MR1: variants seen among roughly 807,000 people sequenced by gnomAD.
MR1 encodes major histocompatibility complex, class I-related, also known as major histocompatibility complex class I-related protein 1.
MR1 carries 44 observed loss-of-function variants against 37.8 expected under a neutral mutation model. That is an observed-to-expected ratio of 1.16 (90% confidence interval 0.91 to 1.50). The LOEUF (loss-of-function observed/expected upper bound fraction) is 1.50, where lower values mean the gene tolerates loss of function less well. Ranked by LOEUF, MR1 falls within the 40% of genes most tolerant of loss-of-function variation. The pLI is 0.00. For synonymous variants in MR1, 153 were observed against 155.8 expected (o/e 0.98, Z 0.13); for missense variants, 386 against 419.1 (o/e 0.92, Z 0.69).
At chr1:181,043,994 C>T (rs1004800416) in intron 1 of MR1, among the ~76,000 whole-genome samples, 4 of 119,308 alleles carry the variant, frequency 3.4e-5, no homozygotes, top group African/African-American at 1.3e-4. Context: ...GACAGAGTCT[C>T]ACTCTGTCGC....
In MR1 at chr1:181,053,286, G is replaced by A. The variant is rs150999830; in HGVS notation, c.881-287G>A. 8.5e-3 allele frequency among the ~76,000 whole-genome samples: 1,296 copies of A among 152,072 alleles called. 11 individuals carry two copies. Among genetic ancestry groups the A allele is most frequent in the Middle Eastern group, 0.02 (6 of 294 alleles). On this transcript the variant is annotated intron_variant, in intron 4 of 5. Transcript: ENST00000367580. ...AGTCCCAGCTACTGAGGAGGCTAAGGTGGGAGGATCGCTTGAGCCCAGGAG... is the reference window on the plus strand; with the variant it reads ...AGTCCCAGCTACTGAGGAGGCTAAGATGGGAGGATCGCTTGAGCCCAGGAG...
Position 181,046,353 on chromosome 1 carries a change from C to T in MR1, c.68-2699C>T, listed in dbSNP as rs369629051. On this transcript the variant is annotated intron_variant, in intron 1 of 5. Transcript: ENST00000367580. ...GCTAAGGGATTGTAAATACACCAAT[C>T]GGCACTCTGTATCTAGCTCAAGGTT... Among the ~76,000 whole-genome samples the T allele has an allele frequency of 1.2e-3, 186 of 152,338 alleles. 1 individual carries two copies. Among genetic ancestry groups the T allele is most frequent in the Non-Finnish European group, 2.1e-3 (146 of 68,030 alleles).
At chr1:181,055,115 G>A in intron 5 of MR1, 110 bp from the exon 6 acceptor site, 1 of 965,968 alleles carries the variant, frequency 1.0e-6, no homozygotes, top group Non-Finnish European at 1.7e-6. Flanking sequence ...GACAAAGCAA[G>A]CTAAAACTGT....
intron 1 of MR1, among the ~76,000 whole-genome samples, chr1:181,044,905 G>A (rs1272758528): frequency 6.6e-6 from 1 of 152,212 alleles, no homozygotes; most frequent in Non-Finnish European, 1.5e-5. Context: ...AAAAAGAGGT[G>A]AGTCTCAGGC....
rs981281998 is a variant in MR1 at position 181,055,451 on chromosome 1, A to C, written c.*186A>C. 1.3e-4 allele frequency: 73 copies of C among 583,336 alleles called. 1 individual carries two copies. In the South Asian group the frequency reaches 1.8e-3, roughly 14 times the overall value. 36.1% of individuals were successfully genotyped at this position (583,336 alleles called of 1,614,324 possible). On this transcript the variant is annotated 3_prime_UTR_variant, in exon 6 of 6. Coordinates refer to ENST00000367580, the MANE Select transcript of MR1 (RefSeq NM_001385161.1). ...TGTTCTTTGTTCTTTGGCTCCAAAA[A>C]GACTGTCAGCTTTCAGTCTCTTTTG... is the stretch of plus-strand genomic sequence containing the variant.
chr1:181,061,204 A>G lies in MR1; in HGVS notation c.*5939A>G, dbSNP rs1251939149. The G allele has an allele frequency of 1.3e-5, 2 of 152,260 alleles. No individual in the cohort carries two copies. Among genetic ancestry groups the G allele is most frequent in the African/African-American group, 2.4e-5 (1 of 41,468 alleles). The allele number at this position is 152,260 out of a possible 1,614,324, so 9.4% of individuals were successfully genotyped here. A position where few individuals can be genotyped will look rare whatever the true frequency, so the allele number is the denominator to read the frequency against. On this transcript the variant is annotated 3_prime_UTR_variant, in exon 6 of 6. Transcript: ENST00000367580. Reference sequence around the variant, plus strand: ...TTACATTTGTAATCAAATGATGGCCATTTGTTCTGTTTCTGGTTTGTGAAC... The same window carrying G: ...TTACATTTGTAATCAAATGATGGCCGTTTGTTCTGTTTCTGGTTTGTGAAC...
rs183314622 is a variant in MR1 at position 181,039,990 on chromosome 1, A to G, written c.67+5916A>G. ...TTTTGTAAGAATGGCCCAACTGGTT[A>G]ATGGACAGGTTAAAGGGAACATGAT... On this transcript the variant is annotated intron_variant, in intron 1 of 5. Transcript: ENST00000367580. Among the ~76,000 whole-genome samples the G allele has an allele frequency of 9.7e-4, 147 of 152,270 alleles. 1 individual carries two copies. Among genetic ancestry groups the G allele is most frequent in the African/African-American group, 3.5e-3 (146 of 41,570 alleles).
In MR1 at chr1:181,060,390, A is replaced by G. The variant is rs1412687670; in HGVS notation, c.*5125A>G. On this transcript the variant is annotated 3_prime_UTR_variant, in exon 6 of 6. Transcript: ENST00000367580. ...CAACATGAATTTTTTGGAGGAAACA[A>G]TTCAACTCCTAACACATCTCTACCC... 2 of 152,152 alleles carry G rather than the reference A, an allele frequency of 1.3e-5. No homozygotes were observed. The highest frequency in any genetic ancestry group is 2.4e-5 in the African/African-American group (1 of 41,418). The allele number at this position is 152,152 out of a possible 1,614,324, so 9.4% of individuals were successfully genotyped here.
At position 181,061,753 on chromosome 1, in the gene MR1, C is replaced by T. The variant is rs1658909499; in HGVS notation, c.*6488C>T. On this transcript the variant is annotated 3_prime_UTR_variant, in exon 6 of 6. Coordinates refer to ENST00000367580, the MANE Select transcript of MR1 (RefSeq NM_001385161.1). The stretch of plus-strand genomic sequence containing the variant: ...TAGTATAGTATTTTAATTAGCTAGT[C>T]TTCATGTACTGGTACAAAAGAACAG... 2.0e-5 allele frequency: 3 copies of T among 152,318 alleles called. No homozygotes were observed. The highest frequency in any genetic ancestry group is 7.2e-5 in the African/African-American group (3 of 41,570). The allele number at this position is 152,318 out of a possible 1,614,324, so 9.4% of individuals were successfully genotyped here.
At chr1:181,046,805 C>T (rs1313067316) in intron 1 of MR1, among the ~76,000 whole-genome samples, 1 of 152,042 alleles carries the variant, frequency 6.6e-6, no homozygotes, top group Non-Finnish European at 1.5e-5. Flanking sequence ...CTCCTGAAGC[C>T]AGCGAGACCA....
In MR1 at chr1:181,058,465, G is replaced by A. The variant is rs995858699; in HGVS notation, c.*3200G>A. ...GGAGAGAAAGCAGTTTAAAGAGCAG[G>A]GTGAAAAATCCAACAAGACTCCATC... is the stretch of plus-strand genomic sequence containing the variant. On this transcript the variant is annotated 3_prime_UTR_variant, in exon 6 of 6. Transcript: ENST00000367580. 2 of 151,986 alleles carry A rather than the reference G, an allele frequency of 1.3e-5. No individual in the cohort carries two copies. The highest frequency in any genetic ancestry group is 6.6e-5 in the Admixed American group (1 of 15,256). The allele number at this position is 151,986 out of a possible 1,614,324, so 9.4% of individuals were successfully genotyped here.
In MR1 at chr1:181,059,081, A is replaced by G. The variant is rs922107051; in HGVS notation, c.*3816A>G. On this transcript the variant is annotated 3_prime_UTR_variant, in exon 6 of 6. Coordinates refer to ENST00000367580, the MANE Select transcript of MR1 (RefSeq NM_001385161.1). ...AGGACAGGGGGCTTTGCCCATAGCCATGTGCTGTGGGCAGCAGAGCTAGGA... is the reference window on the plus strand; with the variant it reads ...AGGACAGGGGGCTTTGCCCATAGCCGTGTGCTGTGGGCAGCAGAGCTAGGA... 2.6e-5 allele frequency: 4 copies of G among 152,326 alleles called. No homozygotes were observed. The highest frequency in any genetic ancestry group is 7.2e-5 in the African/African-American group (3 of 41,572). 9.4% of individuals were successfully genotyped at this position (152,326 alleles called of 1,614,324 possible).
rs763689656 is a variant in MR1, at chr1:181,044,551, G to A, written c.68-4501G>A. On this transcript the variant is annotated intron_variant, in intron 1 of 5. Transcript: ENST00000367580. ...TGCTACCCACATCCTTTCCCACAGA[G>A]CGAGGAGTGCGTGAGGCTGAGGGGA... Among the ~76,000 whole-genome samples the A allele has an allele frequency of 6.4e-4, 98 of 152,138 alleles. 3 individuals are homozygous for A. Among genetic ancestry groups the A allele is most frequent in the Non-Finnish European group, 4.4e-4 (30 of 68,022 alleles).
intron 1 of MR1, among the ~76,000 whole-genome samples, chr1:181,048,001 A>C (rs1658007056): frequency 6.6e-6 from 1 of 151,372 alleles, no homozygotes; most frequent in Non-Finnish European, 1.5e-5. Flanking sequence ...GTGGATCACG[A>C]GGTCAGGAGT....
At chr1:181,045,150 T>C (rs552892497) in intron 1 of MR1, among the ~76,000 whole-genome samples, 1 of 152,208 alleles carries the variant, frequency 6.6e-6, no homozygotes, top group Non-Finnish European at 1.5e-5. Flanking sequence ...AATTTAGCCA[T>C]GAAATTTTAG....
chr1:181,041,052 A>G (rs1304451907), intron 1 of MR1, among the ~76,000 whole-genome samples: 2 of 151,496 alleles, frequency 1.3e-5, no homozygotes, highest in Admixed American at 6.6e-5. Context: ...ACTGCACTCC[A>G]GCCCGGGTGA....
rs957970828 is a variant in MR1 at position 181,033,999 on chromosome 1, A to G, written c.-9A>G. On this transcript the variant is annotated 5_prime_UTR_variant, in exon 1 of 6. Transcript: ENST00000367580. ...TTTTTGGTTAAAAGAACCCGGAAAG[A>G]GAAGGACTATGGGGGAACTGATGGC... 1.2e-6 allele frequency: 2 copies of G among 1,606,198 alleles called. No homozygotes were observed. Among genetic ancestry groups the G allele is most frequent in the East Asian group, 4.5e-5 (2 of 44,660 alleles).
chr1:181,055,700 G>T lies in MR1; in HGVS notation c.*435G>T. ...AGGGAACCTCAGTACTTCATAAAATGGCCTTTCTCATTCATCTTTCATGGG... is the reference window on the plus strand; with the variant it reads ...AGGGAACCTCAGTACTTCATAAAATTGCCTTTCTCATTCATCTTTCATGGG... On this transcript the variant is annotated 3_prime_UTR_variant, in exon 6 of 6. Coordinates refer to ENST00000367580, the MANE Select transcript of MR1 (RefSeq NM_001385161.1). 1 of 178,220 alleles carries T rather than the reference G, an allele frequency of 5.6e-6. No individual in the cohort carries two copies. 11.0% of individuals were successfully genotyped at this position (178,220 alleles called of 1,614,324 possible).
chr1:181,049,931 A>G, intron 2 of MR1, 80 bp from the exon 3 acceptor site: 1 of 1,496,110 alleles, frequency 6.7e-7, no homozygotes, highest in Non-Finnish European at 9.1e-7. Context: ...GGATGCTTCC[A>G]GCCATGCCCC....
Sources: gnomAD v4.1 joint callset for allele counts (sites outside exome capture counted in the v4.1 genomes callset) on GRCh38, gnomAD v4.1.1 for gene constraint, MANE v1.5 for transcripts, NCBI Gene and HGNC (gene_info 2026-07-23, HGNC 2026-07-21) for gene names.